TASOR2: variants seen among roughly 807,000 people sequenced by gnomAD.
TASOR2 encodes protein TASOR 2.
Under a neutral mutation model 199.5 loss-of-function variants are expected in TASOR2, and 84 were observed. That is an observed-to-expected ratio of 0.42 (90% confidence interval 0.35 to 0.50). TASOR2 has a LOEUF of 0.50. TASOR2 is among the 20% of genes least tolerant of loss of function. The probability of loss-of-function intolerance (pLI) is 0.02; values close to 1 mark genes in which losing one functional copy is unlikely to be tolerated. For synonymous variants in TASOR2, 1,103 were observed against 1,046.6 expected (o/e 1.05, Z -1.04); for missense variants, 2,796 against 2,835.9 (o/e 0.99, Z 0.32).
At chr10:5,749,282 G>C (rs751826299) in exon 15 of TASOR2, 1 of 1,614,220 alleles carries the variant, frequency 6.2e-7, no homozygotes, top group South Asian at 1.1e-5. Flanking sequence ...AGTGCAAACT[G>C]TGGCCTGCCC....
chr10:5,707,358 C>T (rs548213116), intron 1 of TASOR2, among the ~76,000 whole-genome samples: 1 of 152,108 alleles, frequency 6.6e-6, no homozygotes, highest in Non-Finnish European at 1.5e-5. Flanking sequence ...GATGAGGCAG[C>T]CCCCAGGTTA....
At chr10:5,762,902 C>T (rs56352451) in intron 20 of TASOR2, 127 bp from the exon 22 acceptor site, 115,025 of 814,058 alleles carry the variant, frequency 0.14, 8,580 homozygotes, top group East Asian at 0.21. Flanking sequence ...TAACTTGGAT[C>T]GTCAGTACAG....
chr10:5,757,496 C>G, intron 16 of TASOR2, 24 bp from the exon 18 acceptor site: 2 of 1,580,244 alleles, frequency 1.3e-6, no homozygotes, highest in Non-Finnish European at 8.6e-7. Flanking sequence ...CTCTCTTCAC[C>G]GGGGTCCTTT....
intron 18 of TASOR2, among the ~76,000 whole-genome samples, chr10:5,759,491 G>A (rs961899216): frequency 2.0e-5 from 3 of 152,200 alleles, no homozygotes; most frequent in African/African-American, 7.2e-5. Context: ...AGCTGGGGCT[G>A]AGAGATTCCT....
chr10:5,748,096 A>C lies in TASOR2; in HGVS notation c.4675A>C (p.Asn1559His), dbSNP rs752825506. ...TCCATTGCAGCCAGTTAGTATAGAGAATAGAAATTTGGACTTAAAACATCT... is the reference window on the plus strand; with the variant it reads ...TCCATTGCAGCCAGTTAGTATAGAGCATAGAAATTTGGACTTAAAACATCT... Residue 1559 changes from asparagine (N) to histidine (H), a missense_variant, in exon 15 of 21, where the codon AAT becomes CAT. This residue lies in a region of TASOR2 where 1,941 missense variants were observed against 1,924.9 expected (regional missense o/e 1.01). Coordinates refer to ENST00000328090, the Ensembl canonical transcript of TASOR2. This position sits in a 1 kb window ranked among gnomAD's most constrained non-coding sequence, Gnocchi z 5.1. 13 of 1,614,234 alleles carry C rather than the reference A, an allele frequency of 8.1e-6. 1 individual carries two copies. In the South Asian group the frequency reaches 1.4e-4, roughly 18 times the overall value.
chr10:5,744,940 T>C (rs1191343975), intron 14 of TASOR2, among the ~76,000 whole-genome samples: 1 of 152,218 alleles, frequency 6.6e-6, no homozygotes, highest in East Asian at 1.9e-4. Flanking sequence ...AAGACAGAAA[T>C]GTTTTTAACA....
chr10:5,752,748 G>A lies in TASOR2; in HGVS notation c.6606+2721G>A, dbSNP rs1458535105. ...TGCCCTGCTCTTCTCATATGGAGGTGTGTAGCTGGCAAACACCACAGGGAA... is the reference window on the plus strand; with the variant it reads ...TGCCCTGCTCTTCTCATATGGAGGTATGTAGCTGGCAAACACCACAGGGAA... On this transcript the variant is annotated intron_variant, in intron 15 of 20. Transcript: ENST00000328090. The surrounding 1 kb of genome is among the most constrained non-coding windows in gnomAD (Gnocchi z 4.4). Among the ~76,000 whole-genome samples, 2 of 152,238 alleles carry A rather than the reference G, an allele frequency of 1.3e-5. No individual in the cohort carries two copies. Among genetic ancestry groups the A allele is most frequent in the Non-Finnish European group, 2.9e-5 (2 of 68,042 alleles).
intron 6 of TASOR2, among the ~76,000 whole-genome samples, chr10:5,721,304 A>G (rs1474339876): frequency 1.3e-5 from 2 of 152,226 alleles, no homozygotes; most frequent in African/African-American, 2.4e-5. Flanking sequence ...CATTTGCAGT[A>G]TCTGATTTTC....
At chr10:5,723,836 C>A in intron 7 of TASOR2, 59 bp downstream of exon 8, 2 of 1,174,314 alleles carry the variant, frequency 1.7e-6, no homozygotes, top group South Asian at 1.6e-5. Context: ...TTATTTTCTG[C>A]TCTCTTCCAA....
At chr10:5,735,747 C>G (rs570907214) in intron 12 of TASOR2, among the ~76,000 whole-genome samples, 19 of 152,226 alleles carry the variant, frequency 1.2e-4, no homozygotes, top group African/African-American at 4.3e-4. Flanking sequence ...CTCAAACCTT[C>G]AAAAACATAG....
At chr10:5,695,650 C>T (rs1011935467) in intron 1 of TASOR2, among the ~76,000 whole-genome samples, 5 of 151,978 alleles carry the variant, frequency 3.3e-5, no homozygotes, top group Non-Finnish European at 7.3e-5. Flanking sequence ...GGAAGTCTCT[C>T]TTAAGATTAT....
intron 12 of TASOR2, 59 bp from the exon 14 acceptor site, chr10:5,739,559 C>A: frequency 6.8e-7 from 1 of 1,471,700 alleles, no homozygotes; most frequent in Non-Finnish European, 9.2e-7. Flanking sequence ...AGTAATATGG[C>A]AGAGAGTTAA....
At chr10:5,700,794 C>CTGTG (rs145379583) in intron 1 of TASOR2, among the ~76,000 whole-genome samples, 2,450 of 149,400 alleles carry the variant, frequency 0.016, 25 homozygotes, top group African/African-American at 0.025. Context: ...GGGGGTGTGT[C>CTGTG]TGTGTGTGTG....
chr10:5,694,007 G>C (rs998670663), intron 1 of TASOR2, among the ~76,000 whole-genome samples: 3 of 152,066 alleles, frequency 2.0e-5, no homozygotes, highest in Admixed American at 1.3e-4. Flanking sequence ...ACTTGCAGCA[G>C]GGTAATCCGA....
chr10:5,759,032 G>A, intron 18 of TASOR2, 40 bp downstream of exon 19: 1 of 1,464,462 alleles, frequency 6.8e-7, no homozygotes, highest in East Asian at 2.3e-5. Flanking sequence ...CTGCCCTGCT[G>A]GGGTAGCAGA....
At chr10:5,709,355 T>A (rs1035160884) in intron 1 of TASOR2, among the ~76,000 whole-genome samples, 1 of 152,216 alleles carries the variant, frequency 6.6e-6, no homozygotes, top group Non-Finnish European at 1.5e-5. Flanking sequence ...TCAGATTATG[T>A]GTTATAGCTT....
chr10:5,735,177 A>G, intron 11 of TASOR2, 127 bp from the exon 13 acceptor site: 3 of 1,087,494 alleles, frequency 2.8e-6, no homozygotes, highest in East Asian at 4.8e-5. Context: ...CTGAAACTTC[A>G]TAGTTTATTC....
intron 8 of TASOR2, among the ~76,000 whole-genome samples, chr10:5,724,829 T>C (rs1457613973): frequency 6.6e-6 from 1 of 151,874 alleles, no homozygotes. Context: ...ACCCTATGTA[T>C]ACTGTGTTTT....
Position 5,730,587 on chromosome 10 carries a change from T to C in TASOR2, c.588T>C (p.Pro196=), listed in dbSNP as rs1312186875. 6 of 1,614,086 alleles carry C rather than the reference T, an allele frequency of 3.7e-6. No homozygotes were observed. The highest frequency in any genetic ancestry group is 5.1e-6 in the Non-Finnish European group (6 of 1,180,038). The stretch of plus-strand genomic sequence containing the variant: ...TGCTAGAAACAAAGAAATCACTTCC[T>C]GAAGAAAGAATCCATCCAAACACAT... Residue 196 remains proline (P), a synonymous_variant, in exon 11 of 21, where the codon CCT becomes CCC. Coordinates refer to ENST00000328090, the Ensembl canonical transcript of TASOR2. This position sits in a 1 kb window ranked among gnomAD's most constrained non-coding sequence, Gnocchi z 4.1.
Sources: allele counts gnomAD v4.1 joint callset (sites outside exome capture counted in the v4.1 genomes callset), GRCh38; gene constraint gnomAD v4.1.1; regional missense constraint gnomAD v4.1.1; non-coding constraint Gnocchi (gnomAD v3.1); transcripts MANE v1.5; gene names NCBI Gene and HGNC (gene_info 2026-07-23, HGNC 2026-07-21).